Variants in XRN1 observed in about 807,000 individuals in gnomAD.
XRN1 encodes the protein 5'-3' exoribonuclease 1, also known as strand-exchange protein 1 homolog.
Under a neutral mutation model 222.3 loss-of-function variants are expected in XRN1, and 67 were observed. The ratio of observed to expected loss-of-function variants is 0.30; its 90% CI spans 0.25 to 0.37. The LOEUF is 0.37. Ranked by LOEUF, XRN1 falls within the 10% of genes least tolerant of loss-of-function variation. XRN1 has a pLI of 1.00. For missense variants in XRN1, 1,707 were observed against 2,000.2 expected (o/e 0.85, Z 2.80); for synonymous variants, 643 against 652.4 (o/e 0.99, Z 0.22).
chr3:142,355,612 CTTT>C, intron 31 of XRN1, 116 bp from the exon 32 acceptor site: 1 of 585,310 alleles, frequency 1.7e-6, no homozygotes. Context: ...GATATTAAAC[CTTT>C]TTTTTTTGAC....
chr3:142,335,386 T>C (rs2065823633), intron 34 of XRN1, 62 bp downstream of exon 34: 3 of 1,476,082 alleles, frequency 2.0e-6, no homozygotes, highest in Middle Eastern at 1.7e-4. Context: ...AGTCCAATGC[T>C]ACAGAGCCAC....
At chr3:142,314,901 T>A in intron 39 of XRN1, among the ~76,000 whole-genome samples, 1 of 66,638 alleles carries the variant, frequency 1.5e-5, no homozygotes, top group Non-Finnish European at 2.5e-5. Context: ...TGGGACTCTG[T>A]CTCAAAAAAA....
rs140755738 is a variant in XRN1 at position 142,339,340 on chromosome 3, T to C, written c.3878-3831A>G. On this transcript the variant is annotated intron_variant, in intron 33 of 40. Transcript: ENST00000392981. ...TCTCCAAGACCACCAAGATGGCACCTCTGATCCTGTAAGAACCACAGAATT... is the reference window on the plus strand; with the variant it reads ...TCTCCAAGACCACCAAGATGGCACCCCTGATCCTGTAAGAACCACAGAATT... 6.9e-4 allele frequency among the ~76,000 whole-genome samples: 105 copies of C among 152,312 alleles called. 1 individual carries two copies. Among genetic ancestry groups the C allele is most frequent in the African/African-American group, 2.3e-3 (95 of 41,560 alleles).
In XRN1 at chr3:142,388,794, G is replaced by A. The variant is rs78302842; in HGVS notation, c.2340-4109C>T. On this transcript the variant is annotated intron_variant, in intron 20 of 40. Transcript: ENST00000392981. ...GTCAATGCTCTCAAAGTCTGCCACT[G>A]CTTTTCAACTAAATTTATGTAATAT... is the stretch of plus-strand genomic sequence containing the variant. Among the ~76,000 whole-genome samples, 783 of 152,332 alleles carry A rather than the reference G, an allele frequency of 5.1e-3. 9 individuals are homozygous for A. The highest frequency in any genetic ancestry group is 0.018 in the African/African-American group (761 of 41,576).
At chr3:142,393,964 C>T (rs1002603727) in intron 20 of XRN1, among the ~76,000 whole-genome samples, 2 of 152,062 alleles carry the variant, frequency 1.3e-5, no homozygotes, top group Admixed American at 1.3e-4. Flanking sequence ...GTAGTTGGGA[C>T]TACAGGCAGG....
At chr3:142,446,896 TAAATG>T (rs1431268736) in intron 1 of XRN1, among the ~76,000 whole-genome samples, 1 of 152,232 alleles carries the variant, frequency 6.6e-6, no homozygotes, top group African/African-American at 2.4e-5. Flanking sequence ...TTCATGTTCG[TAAATG>T]CCGATTAAAC....
chr3:142,422,545 TTAAAG>T (rs2069079862), intron 8 of XRN1, 32 bp downstream of exon 8: 4 of 1,590,714 alleles, frequency 2.5e-6, no homozygotes, highest in Admixed American at 1.8e-5. Flanking sequence ...TGGCACTAAA[TTAAAG>T]TATCCTCGAG....
chr3:142,358,144 T>G (rs922325073), intron 30 of XRN1, among the ~76,000 whole-genome samples: 3 of 152,170 alleles, frequency 2.0e-5, no homozygotes, highest in Admixed American at 6.5e-5. Flanking sequence ...CCATTCTCAG[T>G]ATAGCTCTTC....
intron 20 of XRN1, among the ~76,000 whole-genome samples, chr3:142,396,782 TG>T (rs2067949826): frequency 6.6e-6 from 1 of 152,180 alleles, no homozygotes; most frequent in Admixed American, 6.5e-5. Context: ...GGAATTCTTG[TG>T]TTTGGATGGC....
At chr3:142,381,249 C>T (rs995231233) in intron 22 of XRN1, among the ~76,000 whole-genome samples, 4 of 152,120 alleles carry the variant, frequency 2.6e-5, no homozygotes, top group African/African-American at 7.2e-5. Flanking sequence ...GTATATATTA[C>T]ATACATCATG....
In XRN1 at chr3:142,312,642, C is replaced by G. The variant is rs747432361; in HGVS notation, c.4738G>C (p.Gly1580Arg). 3.7e-6 allele frequency: 6 copies of G among 1,613,314 alleles called. No individual in the cohort carries two copies. The highest frequency in any genetic ancestry group is 5.1e-6 in the Non-Finnish European group (6 of 1,179,414). Residue 1580 changes from glycine to arginine, a missense_variant, in exon 40 of 41, where the codon GGG becomes CGG. Physicochemically the swap from Gly to Arg is moderately radical, Grantham distance 125. Around this residue, in one of 2 missense-constraint regions of XRN1, gnomAD observed 473 missense variants for 482.0 expected, o/e 0.98. Transcript: ENST00000392981. ...TTGTGCACACCCCCTGGTATTCCCC[C>G]AGCCATGGGCATGGTCCCAGAATAT... is the stretch of plus-strand genomic sequence containing the variant. ...TLYSGTMPMA[G>R]GIPGGVHNQF...
chr3:142,414,754 C>G (rs1035383816), intron 13 of XRN1, among the ~76,000 whole-genome samples: 1 of 152,218 alleles, frequency 6.6e-6, no homozygotes, highest in Non-Finnish European at 1.5e-5. Flanking sequence ...CTCGGCCTCC[C>G]AAAGTGCTGG....
intron 22 of XRN1, among the ~76,000 whole-genome samples, chr3:142,382,371 C>CT (rs1387452878): frequency 1.3e-5 from 2 of 152,160 alleles, no homozygotes; most frequent in African/African-American, 4.8e-5. Flanking sequence ...AGAGACCTTC[C>CT]TTTCCCTATT....
chr3:142,403,889 G>A lies in XRN1; in HGVS notation c.1984C>T (p.Leu662=), dbSNP rs969425833. The change falls in exon 17 of 41, where the codon CTG becomes TTG. Residue 662 remains leucine, a synonymous_variant. Coordinates refer to ENST00000392981, the MANE Select transcript of XRN1 (RefSeq NM_001282857.2). ...KALYFCGFPT[L]KHIRHKFFLK... is the part of the protein sequence containing the mutation. ...CTGACTTTGTGTCTGATGTGTTTCA[G>A]AGTAGGAAATCCACAGAAATATAAT... 12 of 1,613,166 alleles carry A rather than the reference G, an allele frequency of 7.4e-6. No homozygotes were observed. The highest frequency in any genetic ancestry group is 3.3e-5 in the Admixed American group (2 of 59,992).
At chr3:142,440,406 C>T (rs2108203875) in intron 1 of XRN1, among the ~76,000 whole-genome samples, 1 of 152,062 alleles carries the variant, frequency 6.6e-6, no homozygotes, top group South Asian at 2.1e-4. Flanking sequence ...TTGTCCCCTG[C>T]TTGAGGAAGG....
chr3:142,352,744 AT>A (rs2107818889), intron 32 of XRN1, among the ~76,000 whole-genome samples: 1 of 152,226 alleles, frequency 6.6e-6, no homozygotes, highest in African/African-American at 2.4e-5. Context: ...GGTTCAAGTG[AT>A]TCTCCTGCCT....
intron 10 of XRN1, among the ~76,000 whole-genome samples, chr3:142,419,740 A>G (rs1447082975): frequency 6.6e-6 from 1 of 151,956 alleles, no homozygotes; most frequent in Non-Finnish European, 1.5e-5. Flanking sequence ...CCCAGGAGGT[A>G]GAGGTTGCAG....
intron 20 of XRN1, among the ~76,000 whole-genome samples, chr3:142,389,550 C>T (rs1407425541): frequency 2.0e-5 from 3 of 152,154 alleles, no homozygotes; most frequent in Non-Finnish European, 4.4e-5. Flanking sequence ...CTCAGAGTCT[C>T]GCTCTGTTGC....
rs1292018728 is a variant in XRN1 at position 142,311,741 on chromosome 3, C to A, written c.4855G>T (p.Val1619Phe). The A allele has an allele frequency of 6.2e-7, 1 of 1,614,056 alleles. No homozygotes were observed. The highest frequency in any genetic ancestry group is 1.1e-5 in the South Asian group (1 of 91,070). Residue 1619 changes from valine to phenylalanine, a missense_variant, in exon 41 of 41, where the codon GTT becomes TTT. Coordinates refer to ENST00000392981, the MANE Select transcript of XRN1 (RefSeq NM_001282857.2). ...KEAQSSQATP[V>F]QTSQPDSSNI... ...GAAGAATCTGGCTGGCTAGTCTGAA[C>A]TGGAGTGGCTTGAGAACTCTGGGCT...
Sources: gnomAD v4.1 joint callset for allele counts (sites outside exome capture counted in the v4.1 genomes callset) on GRCh38, gnomAD v4.1.1 for gene constraint, gnomAD v4.1.1 regional missense constraint, MANE v1.5 for transcripts, NCBI Gene and HGNC (gene_info 2026-07-23, HGNC 2026-07-21) for gene names.